TMEM107: variants seen among roughly 807,000 people sequenced by gnomAD.
TMEM107 encodes the protein transmembrane protein 107.
TMEM107 carries 18 observed loss-of-function variants against 16.8 expected under a neutral mutation model. The observed-to-expected ratio is 1.07, with a 90% confidence interval of 0.74 to 1.59. The LOEUF is 1.59. Ranked by LOEUF, TMEM107 falls within the 40% of genes most tolerant of loss-of-function variation. The probability of loss-of-function intolerance (pLI) is 0.00; values close to 1 mark genes in which losing one functional copy is unlikely to be tolerated. For synonymous variants in TMEM107, 68 were observed against 71.6 expected (o/e 0.95, Z 0.25); for missense variants, 152 against 175.4 (o/e 0.87, Z 0.75).
In TMEM107 at chr17:8,176,178, T is replaced by G. The variant is rs78413898; in HGVS notation, c.87+22A>C. 0.017 allele frequency: 26,682 copies of G among 1,611,038 alleles called. 294 individuals are homozygous for G. Among genetic ancestry groups the G allele is most frequent in the Middle Eastern group, 0.056 (339 of 6,060 alleles). On this transcript the variant is annotated intron_variant, in intron 1 of 4. Transcript: ENST00000437139. ...CTCAGAGATGGGAATGGGGACGGAT[T>G]GAGTGCAGCCGTGGGTCTTACCCGG...
rs1417952078 is a variant in TMEM107 at position 8,173,722 on chromosome 17, AT to A, written c.*480del. ...GTTGTTTTGCCATATTAGCTCGCAC[AT>A]TTTTTTAAATTTTTTTTTCATTCGG... On this transcript the variant is annotated 3_prime_UTR_variant, in exon 5 of 5. Coordinates refer to ENST00000437139, the MANE Select transcript of TMEM107 (RefSeq NM_183065.4). 7 of 545,058 alleles carry A rather than the reference AT, an allele frequency of 1.3e-5. No homozygotes were observed. Among genetic ancestry groups the A allele is most frequent in the Non-Finnish European group, 2.0e-5 (6 of 306,654 alleles). 33.8% of individuals were successfully genotyped at this position (545,058 alleles called of 1,614,324 possible).
At position 8,173,186 on chromosome 17, in the gene TMEM107, T is replaced by C. The variant is rs978749761; in HGVS notation, c.*1017A>G. On this transcript the variant is annotated 3_prime_UTR_variant, in exon 5 of 5. Coordinates refer to ENST00000437139, the MANE Select transcript of TMEM107 (RefSeq NM_183065.4). ...CAGATATTTACTGATGTGCAATGTT[T>C]CCTGAGAAGTGAGGATTAAAGTTAT... The C allele has an allele frequency of 2.1e-5, 8 of 373,442 alleles. No individual in the cohort carries two copies. The highest frequency in any genetic ancestry group is 1.0e-4 in the African/African-American group (5 of 48,150). The allele number at this position is 373,442 out of a possible 1,614,324, so 23.1% of individuals were successfully genotyped here.
rs114867112 is a variant in TMEM107, at chr17:8,173,326, T to C, written c.*877A>G. 6,770 of 551,064 alleles carry C rather than the reference T, an allele frequency of 0.012. 367 individuals are homozygous for C. The highest frequency in any genetic ancestry group is 0.12 in the African/African-American group (6,102 of 52,558). The allele number at this position is 551,064 out of a possible 1,614,324, so 34.1% of individuals were successfully genotyped here. ...AAACAAATTTAGCAAGACTGCAAAA[T>C]AGACAAACAGCAATAGCAAGACTGC... On this transcript the variant is annotated 3_prime_UTR_variant, in exon 5 of 5. Transcript: ENST00000437139.
Position 8,173,490 on chromosome 17 carries a change from T to G in TMEM107, c.*713A>C. On this transcript the variant is annotated 3_prime_UTR_variant, in exon 5 of 5. Coordinates refer to ENST00000437139, the MANE Select transcript of TMEM107 (RefSeq NM_183065.4). ...GCAATCAGGGTGTTGCAAGTCCTGA[T>G]TACGCAGAGACGTTAATCACGTTTC... 1 of 765,106 alleles carries G rather than the reference T, an allele frequency of 1.3e-6. No individual in the cohort carries two copies. The highest frequency in any genetic ancestry group is 2.4e-6 in the Non-Finnish European group (1 of 418,004). 47.4% of individuals were successfully genotyped at this position (765,106 alleles called of 1,614,324 possible).
Position 8,176,109 on chromosome 17 carries a change from A to C in TMEM107, c.88-83T>G, listed in dbSNP as rs1306600374. 1.9e-6 allele frequency: 3 copies of C among 1,603,688 alleles called. No individual in the cohort carries two copies. The African/African-American group carries it at 4.0e-5, about 21-fold the overall frequency. ...GGGGCGGCGGGAAACAAGAAAACCCAAGAGGGTAAGACACTGGGAGGGGGC... is the reference window on the plus strand; with the variant it reads ...GGGGCGGCGGGAAACAAGAAAACCCCAGAGGGTAAGACACTGGGAGGGGGC... On this transcript the variant is annotated intron_variant, in intron 1 of 4. Coordinates refer to ENST00000437139, the MANE Select transcript of TMEM107 (RefSeq NM_183065.4).
In TMEM107 at chr17:8,173,484, T is replaced by C. The variant is rs9901637; in HGVS notation, c.*719A>G. The C allele has an allele frequency of 7.2e-3, 5,528 of 764,250 alleles. 222 individuals carry two copies. In the African/African-American group the frequency reaches 0.082, roughly 11 times the overall value. The allele number at this position is 764,250 out of a possible 1,614,324, so 47.3% of individuals were successfully genotyped here. A position where few individuals can be genotyped will look rare whatever the true frequency, so the allele number is the denominator to read the frequency against. On this transcript the variant is annotated 3_prime_UTR_variant, in exon 5 of 5. Transcript: ENST00000437139. ...ACAGGAGCAATCAGGGTGTTGCAAG[T>C]CCTGATTACGCAGAGACGTTAATCA...
Position 8,173,664 on chromosome 17 carries a change from G to C in TMEM107, c.*539C>G. On this transcript the variant is annotated 3_prime_UTR_variant, in exon 5 of 5. Coordinates refer to ENST00000437139, the MANE Select transcript of TMEM107 (RefSeq NM_183065.4). Reference sequence around the variant, plus strand: ...GCTAGGGTGAGTTCATAACGCGCTGGTATGAGCAATCCTATTATTTAGCGT... The same window carrying C: ...GCTAGGGTGAGTTCATAACGCGCTGCTATGAGCAATCCTATTATTTAGCGT... 1 of 698,120 alleles carries C rather than the reference G, an allele frequency of 1.4e-6. No individual in the cohort carries two copies. The highest frequency in any genetic ancestry group is 2.6e-6 in the Non-Finnish European group (1 of 378,864). 43.2% of individuals were successfully genotyped at this position (698,120 alleles called of 1,614,324 possible).
rs951292651 is a variant in TMEM107, at chr17:8,173,700, G to C, written c.*503C>G. 7 of 608,360 alleles carry C rather than the reference G, an allele frequency of 1.2e-5. No individual in the cohort carries two copies. Among genetic ancestry groups the C allele is most frequent in the Non-Finnish European group, 1.8e-5 (6 of 339,146 alleles). 37.7% of individuals were successfully genotyped at this position (608,360 alleles called of 1,614,324 possible). A position where few individuals can be genotyped will look rare whatever the true frequency, so the allele number is the denominator to read the frequency against. On this transcript the variant is annotated 3_prime_UTR_variant, in exon 5 of 5. Transcript: ENST00000437139. ...CCTATTATTTAGCGTCCTTCCAGTTGTTTTGCCATATTAGCTCGCACATTT... is the reference window on the plus strand; with the variant it reads ...CCTATTATTTAGCGTCCTTCCAGTTCTTTTGCCATATTAGCTCGCACATTT...
Position 8,176,237 on chromosome 17 carries a change from G to C in TMEM107, c.50C>G (p.Ala17Gly), listed in dbSNP as rs1984129160. ...TAAGGTGATGACGACCACCAGATGC[G>C]CCAGGAGCGTCAGGAAGCGAGAGGG... ...LVPSRFLTLL[A>G]HLVVVITLFW... Residue 17 changes from alanine (A) to glycine (G), a missense_variant, in exon 1 of 5, where the codon GCG becomes GGG. Physicochemically the swap from Ala to Gly is moderately conservative, Grantham distance 60. Transcript: ENST00000437139. 1 of 1,614,146 alleles carries C rather than the reference G, an allele frequency of 6.2e-7. No homozygotes were observed. The highest frequency in any genetic ancestry group is 8.5e-7 in the Non-Finnish European group (1 of 1,179,984).
chr17:8,173,477 T>TA lies in TMEM107; in HGVS notation c.*725_*726insT, dbSNP rs764410105. On this transcript the variant is annotated 3_prime_UTR_variant, in exon 5 of 5. Coordinates refer to ENST00000437139, the MANE Select transcript of TMEM107 (RefSeq NM_183065.4). ...GAATCAGACAGGAGCAATCAGGGTG[T>TA]TGCAAGTCCTGATTACGCAGAGACG... The TA allele has an allele frequency of 3.9e-6, 3 of 764,774 alleles. No homozygotes were observed. The highest frequency in any genetic ancestry group is 2.7e-5 in the South Asian group (2 of 74,558). The allele number at this position is 764,774 out of a possible 1,614,324, so 47.4% of individuals were successfully genotyped here.
intron 3 of TMEM107, chr17:8,175,056 A>C: frequency 5.3e-6 from 1 of 188,098 alleles, no homozygotes; most frequent in Non-Finnish European, 1.1e-5. Flanking sequence ...CTGAGTTCCC[A>C]TTGTGCTTTA....
rs115315189 is a variant in TMEM107 at position 8,173,287 on chromosome 17, C to T, written c.*916G>A. On this transcript the variant is annotated 3_prime_UTR_variant, in exon 5 of 5. Coordinates refer to ENST00000437139, the MANE Select transcript of TMEM107 (RefSeq NM_183065.4). The stretch of plus-strand genomic sequence containing the variant: ...CCAGAAAGCAACAAAAACCAAATCA[C>T]AATTTTCAAGAACAAACAAATTTAG... 1.9e-3 allele frequency: 1,042 copies of T among 535,832 alleles called. 12 individuals carry two copies. The highest frequency in any genetic ancestry group is 0.018 in the African/African-American group (944 of 52,522). 33.2% of individuals were successfully genotyped at this position (535,832 alleles called of 1,614,324 possible). A position where few individuals can be genotyped will look rare whatever the true frequency, so the allele number is the denominator to read the frequency against.
In TMEM107 at chr17:8,172,467, G is replaced by C. The variant is rs79836224; in HGVS notation, c.*1736C>G. On this transcript the variant is annotated 3_prime_UTR_variant, in exon 5 of 5. Coordinates refer to ENST00000437139, the MANE Select transcript of TMEM107 (RefSeq NM_183065.4). ...CTCAATAAGTATTTATTGAATTAAT[G>C]TAAGAAGGAACAACCAGAACAGTAT... 9.3e-3 allele frequency among the ~76,000 whole-genome samples: 1,418 copies of C among 151,962 alleles called. 21 individuals carry two copies. The highest frequency in any genetic ancestry group is 0.032 in the African/African-American group (1,343 of 41,422).
At position 8,173,540 on chromosome 17, in the gene TMEM107, A is replaced by T. The variant is rs550983276; in HGVS notation, c.*663T>A. 9 of 764,836 alleles carry T rather than the reference A, an allele frequency of 1.2e-5. No homozygotes were observed. The highest frequency in any genetic ancestry group is 2.2e-4 in the Middle Eastern group (1 of 4,450). 47.4% of individuals were successfully genotyped at this position (764,836 alleles called of 1,614,324 possible). A position where few individuals can be genotyped will look rare whatever the true frequency, so the allele number is the denominator to read the frequency against. ...CATGCATCTCCAATCATCATGTTCT[A>T]ATCTGCCCTCCGGAGGAGGAACAGG... On this transcript the variant is annotated 3_prime_UTR_variant, in exon 5 of 5. Transcript: ENST00000437139.
At position 8,172,835 on chromosome 17, in the gene TMEM107, G is replaced by T; in HGVS notation, c.*1368C>A. Among the ~76,000 whole-genome samples the T allele has an allele frequency of 8.2e-6, 1 of 122,280 alleles. No individual in the cohort carries two copies. The highest frequency in any genetic ancestry group is 1.6e-5 in the Non-Finnish European group (1 of 63,256). The allele number at this position is 122,280 out of a possible 152,430, so 80.2% of individuals were successfully genotyped here. A position where few individuals can be genotyped will look rare whatever the true frequency, so the allele number is the denominator to read the frequency against. Reference sequence around the variant, plus strand: ...CACTGCACACTGCACTCTAGCCTGGGCAACAGAGTGAGACTGTCTCAAAAA... The same window carrying T: ...CACTGCACACTGCACTCTAGCCTGGTCAACAGAGTGAGACTGTCTCAAAAA... On this transcript the variant is annotated 3_prime_UTR_variant, in exon 5 of 5. Coordinates refer to ENST00000437139, the MANE Select transcript of TMEM107 (RefSeq NM_183065.4).
chr17:8,174,368 C>T, intron 4 of TMEM107, 96 bp from the exon 5 acceptor site: 1 of 1,340,606 alleles, frequency 7.5e-7, no homozygotes, highest in Non-Finnish European at 1.1e-6. Context: ...GGGCAGGTGG[C>T]ATGGGGGGTA....
At position 8,175,779 on chromosome 17, in the gene TMEM107, G is replaced by A; in HGVS notation, c.234C>T (p.Phe78=). The change falls in exon 3 of 5, where the codon TTC becomes TTT. Residue 78 remains phenylalanine (F), a synonymous_variant. Coordinates refer to ENST00000437139, the MANE Select transcript of TMEM107 (RefSeq NM_183065.4). ...TACAGATGAGGCTCTGGGTGCTGTT[G>A]AACATGGAGACTCCTGAGAGGAAAC... ...LAGFLSGVSM[F]NSTQSLISIG... is the part of the protein sequence containing the mutation. 6.2e-7 allele frequency: 1 copy of A among 1,614,080 alleles called. No homozygotes were observed. Among genetic ancestry groups the A allele is most frequent in the East Asian group, 2.2e-5 (1 of 44,860 alleles).
Position 8,173,406 on chromosome 17 carries a change from G to T in TMEM107, c.*797C>A, listed in dbSNP as rs541750453. The T allele has an allele frequency of 4.9e-5, 36 of 729,124 alleles. No homozygotes were observed. Among genetic ancestry groups the T allele is most frequent in the South Asian group, 8.5e-5 (6 of 70,700 alleles). 45.2% of individuals were successfully genotyped at this position (729,124 alleles called of 1,614,324 possible). On this transcript the variant is annotated 3_prime_UTR_variant, in exon 5 of 5. Coordinates refer to ENST00000437139, the MANE Select transcript of TMEM107 (RefSeq NM_183065.4). ...TCAGAACTTCATAGCTATGTTTGTGGATATCTGCTAATCAGCATAACACAA... is the reference window on the plus strand; with the variant it reads ...TCAGAACTTCATAGCTATGTTTGTGTATATCTGCTAATCAGCATAACACAA...
Position 8,173,503 on chromosome 17 carries a change from T to TAA in TMEM107, c.*699_*700insTT. On this transcript the variant is annotated 3_prime_UTR_variant, in exon 5 of 5. Coordinates refer to ENST00000437139, the MANE Select transcript of TMEM107 (RefSeq NM_183065.4). ...TGCAAGTCCTGATTACGCAGAGACG[T>TAA]TAATCACGTTTCATGCATCTCCAAT... 1.3e-6 allele frequency: 1 copy of TAA among 765,254 alleles called. No homozygotes were observed. The highest frequency in any genetic ancestry group is 2.4e-6 in the Non-Finnish European group (1 of 418,010). The allele number at this position is 765,254 out of a possible 1,614,324, so 47.4% of individuals were successfully genotyped here. A position where few individuals can be genotyped will look rare whatever the true frequency, so the allele number is the denominator to read the frequency against.
Sources: allele counts gnomAD v4.1 joint callset (sites outside exome capture counted in the v4.1 genomes callset), GRCh38; gene constraint gnomAD v4.1.1; transcripts MANE v1.5; gene names NCBI Gene and HGNC (gene_info 2026-07-23, HGNC 2026-07-21).